Variants in STIM2 observed in about 807,000 individuals in gnomAD.
STIM2 encodes the protein stromal interaction molecule 2.
STIM2 carries 31 observed loss-of-function variants against 85.8 expected under a neutral mutation model. The ratio of observed to expected loss-of-function variants is 0.36; its 90% CI spans 0.27 to 0.49. STIM2 has a LOEUF of 0.49. Among genes scored for constraint, STIM2 ranks in the 20% least tolerant of loss-of-function variants. STIM2 has a pLI of 0.98. For synonymous variants in STIM2, 356 were observed against 331.1 expected (o/e 1.08, Z -0.82); for missense variants, 841 against 927.6 (o/e 0.91, Z 1.21).
chr4:27,017,575 T>G, intron 10 of STIM2, 136 bp from the exon 11 acceptor site: 2 of 1,109,188 alleles, frequency 1.8e-6, no homozygotes, highest in South Asian at 2.9e-5. Context: ...TGGTAATAAC[T>G]GTACAGTAAC....
chr4:26,994,397 C>T (rs1727880624), intron 3 of STIM2, among the ~76,000 whole-genome samples: 3 of 152,004 alleles, frequency 2.0e-5, no homozygotes, highest in African/African-American at 2.4e-5. Context: ...ATCTTAATAG[C>T]ATTATCCCCA....
At chr4:26,980,905 A>G (rs1318990777) in intron 3 of STIM2, among the ~76,000 whole-genome samples, 5 of 152,218 alleles carry the variant, frequency 3.3e-5, no homozygotes, top group Admixed American at 2.6e-4. Context: ...ATTACATATT[A>G]GAAGCTTTAC....
At chr4:26,940,358 T>C (rs1725565240) in intron 2 of STIM2, among the ~76,000 whole-genome samples, 1 of 152,188 alleles carries the variant, frequency 6.6e-6, no homozygotes, top group South Asian at 2.1e-4. Flanking sequence ...TCTGCAAATA[T>C]TCAGTTCTTT....
chr4:26,947,908 A>G (rs1379551050), intron 2 of STIM2, among the ~76,000 whole-genome samples: 1 of 152,232 alleles, frequency 6.6e-6, no homozygotes, highest in Non-Finnish European at 1.5e-5. Flanking sequence ...TATCCAAAGG[A>G]AATCATCAGA....
chr4:27,012,324 A>AT (rs35958742), intron 10 of STIM2, among the ~76,000 whole-genome samples: 70 of 151,800 alleles, frequency 4.6e-4, no homozygotes, highest in Non-Finnish European at 9.0e-4. Context: ...GGTTTAAAAA[A>AT]TTTTTTTTTG....
intron 1 of STIM2, among the ~76,000 whole-genome samples, chr4:26,865,805 C>A (rs915069998): frequency 1.6e-4 from 24 of 151,812 alleles, no homozygotes; most frequent in African/African-American, 5.3e-4. Flanking sequence ...CAGCATAACA[C>A]AAAAGAGAAG....
intron 3 of STIM2, among the ~76,000 whole-genome samples, chr4:26,993,268 C>T (rs1727828587): frequency 6.6e-6 from 1 of 152,142 alleles, no homozygotes; most frequent in African/African-American, 2.4e-5. Context: ...CCTGAACCTT[C>T]AGCTGACATC....
chr4:27,012,304 G>A (rs888513392), intron 10 of STIM2, among the ~76,000 whole-genome samples: 2 of 151,956 alleles, frequency 1.3e-5, no homozygotes, highest in South Asian at 4.1e-4. Flanking sequence ...TTCCATGAAA[G>A]GTTCCATTGG....
intron 10 of STIM2, among the ~76,000 whole-genome samples, chr4:27,012,374 C>T (rs1728587774): frequency 6.6e-6 from 1 of 151,722 alleles, no homozygotes; most frequent in South Asian, 2.1e-4. Context: ...TAATCAATTC[C>T]ATTTATCGAG....
chr4:26,933,026 T>C (rs1460615523), intron 2 of STIM2, among the ~76,000 whole-genome samples: 1 of 152,094 alleles, frequency 6.6e-6, no homozygotes, highest in Non-Finnish European at 1.5e-5. Flanking sequence ...GTATGATCTG[T>C]GGATATCAAG....
Position 26,860,941 on chromosome 4 carries a change from TTA to T in STIM2, c.-277_-276del, listed in dbSNP as rs1560545631. 32 of 1,155,192 alleles carry T rather than the reference TTA, an allele frequency of 2.8e-5. No homozygotes were observed. The highest frequency in any genetic ancestry group is 9.8e-5 in the South Asian group (6 of 60,918). 71.6% of individuals were successfully genotyped at this position (1,155,192 alleles called of 1,614,324 possible). On this transcript the variant is annotated 5_prime_UTR_variant, in exon 1 of 12. Transcript: ENST00000467087. Reference sequence around the variant, plus strand: ...CCCCCCACCTTTTTTTTTTTTTTTTTTAAATAACCGGAACCAATGAACGCAGC... The same window carrying T: ...CCCCCCACCTTTTTTTTTTTTTTTTTAATAACCGGAACCAATGAACGCAGC...
rs760026699 is a variant in STIM2 at position 26,861,186 on chromosome 4, G to C, written c.-33G>C. 2.8e-6 allele frequency: 4 copies of C among 1,442,940 alleles called. No individual in the cohort carries two copies. The African/African-American group carries it at 5.8e-5, about 21-fold the overall frequency. The allele number at this position is 1,442,940 out of a possible 1,614,324, so 89.4% of individuals were successfully genotyped here. ...CGCCTCGACTCCTGGCCCAGCGTGG[G>C]GCTGGCTGCTGCGGCGGCGGCGCTG... is the stretch of plus-strand genomic sequence containing the variant. On this transcript the variant is annotated 5_prime_UTR_variant, in exon 1 of 12. Transcript: ENST00000467087.
At chr4:26,873,717 G>A (rs1722712794) in intron 1 of STIM2, 2 of 859,214 alleles carry the variant, frequency 2.3e-6, no homozygotes, top group Non-Finnish European at 1.9e-6. Context: ...ACAGCTTCTG[G>A]AGATGCTGAA....
At chr4:26,921,502 G>A (rs1724794487) in intron 2 of STIM2, among the ~76,000 whole-genome samples, 1 of 152,196 alleles carries the variant, frequency 6.6e-6, no homozygotes, top group Non-Finnish European at 1.5e-5. Context: ...AGCGGCCATA[G>A]ACAGTACAAG....
At chr4:26,930,989 T>C (rs1237510183) in intron 2 of STIM2, among the ~76,000 whole-genome samples, 4 of 152,084 alleles carry the variant, frequency 2.6e-5, no homozygotes, top group Admixed American at 1.3e-4. Flanking sequence ...AGATATCAGC[T>C]GGGGTTGTGT....
intron 3 of STIM2, among the ~76,000 whole-genome samples, chr4:26,978,859 T>A (rs1285941644): frequency 6.6e-6 from 1 of 152,162 alleles, no homozygotes; most frequent in Non-Finnish European, 1.5e-5. Flanking sequence ...CTTGAAAGGA[T>A]GCAGGGTTGG....
chr4:27,006,204 C>T (rs1474585512), intron 7 of STIM2, among the ~76,000 whole-genome samples: 4 of 152,178 alleles, frequency 2.6e-5, no homozygotes, highest in Admixed American at 2.0e-4. Context: ...GAACTGTCAC[C>T]TAGTGTTGCA....
chr4:27,001,983 CGT>C (rs1398037505), intron 5 of STIM2, among the ~76,000 whole-genome samples: 2 of 152,096 alleles, frequency 1.3e-5, no homozygotes, highest in Non-Finnish European at 2.9e-5. Context: ...CCAGCAGGGG[CGT>C]GGTGTGTCTA....
At chr4:26,974,945 C>T (rs1727124527) in intron 3 of STIM2, among the ~76,000 whole-genome samples, 4 of 152,124 alleles carry the variant, frequency 2.6e-5, no homozygotes, top group Admixed American at 2.6e-4. Context: ...TCTTTTTACT[C>T]TTTTTTCTCT....
Sources: gnomAD v4.1 joint callset for allele counts (sites outside exome capture counted in the v4.1 genomes callset) on GRCh38, gnomAD v4.1.1 for gene constraint, MANE v1.5 for transcripts, NCBI Gene and HGNC (gene_info 2026-07-23, HGNC 2026-07-21) for gene names.